Variants in CDH4 observed in about 807,000 individuals in gnomAD.
CDH4 encodes the protein cadherin-4.
A neutral mutation model predicts 86.0 loss-of-function variants in CDH4; 33 were observed. The ratio of observed to expected loss-of-function variants is 0.38; its 90% CI spans 0.29 to 0.51. CDH4 has a LOEUF of 0.51. CDH4 is among the 20% of genes least tolerant of loss of function. The pLI is 0.86. For missense variants in CDH4, 1,114 were observed against 1,307.4 expected (o/e 0.85, Z 2.28); for synonymous variants, 555 against 549.4 (o/e 1.01, Z -0.14).
intron 2 of CDH4, among the ~76,000 whole-genome samples, chr20:61,667,420 G>C (rs1410294263): frequency 6.6e-6 from 1 of 152,218 alleles, no homozygotes; most frequent in Non-Finnish European, 1.5e-5. Context: ...AGAGAAGCGG[G>C]GTTGCATGTC....
intron 4 of CDH4, among the ~76,000 whole-genome samples, chr20:61,826,339 C>CTGCT (rs555602692): frequency 8.8e-4 from 134 of 152,376 alleles, no homozygotes; most frequent in African/African-American, 3.1e-3. Flanking sequence ...GCGCCTCTGC[C>CTGCT]TTCCCAAGCA....
intron 4 of CDH4, among the ~76,000 whole-genome samples, chr20:61,815,192 G>A (rs1980649867): frequency 6.6e-6 from 1 of 152,280 alleles, no homozygotes; most frequent in East Asian, 1.9e-4. Flanking sequence ...GCTAGTGGTG[G>A]CTGAGCTACG....
intron 2 of CDH4, among the ~76,000 whole-genome samples, chr20:61,471,129 A>G (rs1055427962): frequency 2.6e-5 from 4 of 151,986 alleles, no homozygotes; most frequent in Admixed American, 2.0e-4. Flanking sequence ...TTCTTTAAAT[A>G]TTTGGTAAAA....
chr20:61,284,166 C>T (rs2027539), intron 2 of CDH4, among the ~76,000 whole-genome samples: 79,836 of 149,096 alleles, frequency 0.54, 21,656 homozygotes, highest in East Asian at 0.73. Flanking sequence ...AAAAAAAAAA[C>T]TGGCCTGGCA....
At position 61,377,668 on chromosome 20, in the gene CDH4, T is replaced by C. The variant is rs2145442431; in HGVS notation, c.169+122731T>C. ...GTGAACCAGATCCCCAGAAAGAACATCCCTTTCAAAACCAGAAGTCTTAGG... is the reference window on the plus strand; with the variant it reads ...GTGAACCAGATCCCCAGAAAGAACACCCCTTTCAAAACCAGAAGTCTTAGG... On this transcript the variant is annotated intron_variant, in intron 2 of 15. Transcript: ENST00000614565. The surrounding 1 kb of genome is among the most constrained non-coding windows in gnomAD (Gnocchi z 4.0). Among the ~76,000 whole-genome samples, 1 of 151,328 alleles carries C rather than the reference T, an allele frequency of 6.6e-6. No individual in the cohort carries two copies. Among genetic ancestry groups the C allele is most frequent in the Admixed American group, 6.6e-5 (1 of 15,204 alleles).
chr20:61,473,121 G>A (rs2085515123), intron 2 of CDH4, among the ~76,000 whole-genome samples: 1 of 152,150 alleles, frequency 6.6e-6, no homozygotes, highest in African/African-American at 2.4e-5. Flanking sequence ...CGAATGTGGA[G>A]TTTGGGAAGA....
intron 4 of CDH4, among the ~76,000 whole-genome samples, chr20:61,781,320 AC>A (rs146836182): frequency 0.011 from 1,696 of 152,298 alleles, 39 homozygotes; most frequent in African/African-American, 0.039. Flanking sequence ...CCCTGAGATC[AC>A]CCAGACATTG....
intron 2 of CDH4, among the ~76,000 whole-genome samples, chr20:61,601,040 A>G (rs1398887055): frequency 6.6e-6 from 1 of 152,162 alleles, no homozygotes; most frequent in African/African-American, 2.4e-5. Context: ...TCGTGTTGCT[A>G]TAAAGACATA....
At position 61,493,845 on chromosome 20, in the gene CDH4, C is replaced by A. The variant is rs965510660; in HGVS notation, c.169+238908C>A. Among the ~76,000 whole-genome samples the A allele has an allele frequency of 5.3e-5, 8 of 152,220 alleles. No homozygotes were observed. In the East Asian group the frequency reaches 1.5e-3, roughly 29 times the overall value. On this transcript the variant is annotated intron_variant, in intron 2 of 15. Coordinates refer to ENST00000614565, the MANE Select transcript of CDH4 (RefSeq NM_001794.5). ...CAGTGTGGATTCCGCTACAGGTGGCCCCCACCCCAGTCCTGGGAGAACAGT... is the reference window on the plus strand; with the variant it reads ...CAGTGTGGATTCCGCTACAGGTGGCACCCACCCCAGTCCTGGGAGAACAGT...
intron 2 of CDH4, among the ~76,000 whole-genome samples, chr20:61,508,064 C>T (rs1039663820): frequency 6.6e-6 from 1 of 152,232 alleles, no homozygotes; most frequent in African/African-American, 2.4e-5. Flanking sequence ...GCTGGGCATT[C>T]AAGTTTGCTG....
intron 7 of CDH4, among the ~76,000 whole-genome samples, chr20:61,888,275 G>A (rs1270759341): frequency 3.3e-5 from 5 of 152,198 alleles, no homozygotes; most frequent in African/African-American, 4.8e-5. Context: ...TGACATTTGG[G>A]TTCTCATTGG....
chr20:61,792,963 G>GTTT (rs751267069), intron 4 of CDH4, among the ~76,000 whole-genome samples: 1 of 147,746 alleles, frequency 6.8e-6, no homozygotes, highest in Non-Finnish European at 1.5e-5. Context: ...TGTTTTTTTT[G>GTTT]TTTTTGTTTT....
intron 3 of CDH4, among the ~76,000 whole-genome samples, chr20:61,755,445 C>A (rs1426542786): frequency 1.4e-5 from 2 of 139,674 alleles, no homozygotes; most frequent in African/African-American, 6.4e-5. Context: ...ACCACACACA[C>A]ACACCCCGTA....
At chr20:61,559,841 G>A (rs2086203658) in intron 2 of CDH4, among the ~76,000 whole-genome samples, 1 of 152,064 alleles carries the variant, frequency 6.6e-6, no homozygotes, top group Non-Finnish European at 1.5e-5. Flanking sequence ...CTCCCTGCAT[G>A]TCCCAGCTGG....
At chr20:61,896,407 G>A (rs1429221053) in intron 8 of CDH4, among the ~76,000 whole-genome samples, 2 of 152,236 alleles carry the variant, frequency 1.3e-5, no homozygotes, top group Non-Finnish European at 2.9e-5. Context: ...CAGGCCTGGG[G>A]CGCAGCTGCA....
intron 2 of CDH4, among the ~76,000 whole-genome samples, chr20:61,468,085 G>A (rs2085483283): frequency 6.6e-6 from 1 of 152,206 alleles, no homozygotes; most frequent in South Asian, 2.1e-4. Context: ...GCTCACTAGA[G>A]CCTCCATGTC....
chr20:61,330,308 G>T (rs868392002), intron 2 of CDH4, among the ~76,000 whole-genome samples: 19 of 152,184 alleles, frequency 1.2e-4, no homozygotes, highest in Non-Finnish European at 2.5e-4. Flanking sequence ...CTTCCACAAT[G>T]GTTGGACTAA....
intron 4 of CDH4, among the ~76,000 whole-genome samples, chr20:61,840,920 T>C (rs1429012977): frequency 6.6e-6 from 1 of 152,256 alleles, no homozygotes; most frequent in Non-Finnish European, 1.5e-5. Context: ...AAATGCGGCC[T>C]GATGGCCAAA....
chr20:61,859,798 C>T (rs1317760337), intron 6 of CDH4, among the ~76,000 whole-genome samples: 2 of 152,278 alleles, frequency 1.3e-5, no homozygotes, highest in East Asian at 1.9e-4. Flanking sequence ...GCTTCGCTGC[C>T]GGGTGGAGGG....
Sources: gnomAD v4.1 joint callset for allele counts (sites outside exome capture counted in the v4.1 genomes callset) on GRCh38, gnomAD v4.1.1 for gene constraint, Gnocchi (gnomAD v3.1) non-coding constraint, MANE v1.5 for transcripts, NCBI Gene and HGNC (gene_info 2026-07-23, HGNC 2026-07-21) for gene names.